The following ASIC2 variants were observed in gnomAD, a reference collection of about 807,000 sequenced individuals.
ASIC2 encodes acid sensing ion channel subunit 2.
Under a neutral mutation model 57.3 loss-of-function variants are expected in ASIC2, and 25 were observed. The observed-to-expected ratio is 0.44, with a 90% CI of 0.32 to 0.61. The LOEUF (loss-of-function observed/expected upper bound fraction) is 0.61. Among genes scored for constraint, ASIC2 ranks in the 20% least tolerant of loss-of-function variants. ASIC2 has a pLI of 0.06. For synonymous variants in ASIC2, 319 were observed against 307.5 expected, an observed-to-expected ratio of 1.04 and a Z score of -0.39; for missense variants, 641 against 738.1, an observed-to-expected ratio of 0.87 and a Z score of 1.52.
intron 1 of ASIC2, among the ~76,000 whole-genome samples, chr17:33,242,167 A>G (rs992978290): frequency 6.6e-6 from 1 of 151,968 alleles, no homozygotes; most frequent in African/African-American, 2.4e-5. Flanking sequence ...AAATACAAAA[A>G]TTAGCCAGGC....
intron 1 of ASIC2, among the ~76,000 whole-genome samples, chr17:33,187,890 A>G (rs973213584): frequency 6.6e-6 from 1 of 151,394 alleles, no homozygotes; most frequent in Non-Finnish European, 1.5e-5. Flanking sequence ...CAGCCAATCA[A>G]AAATGGTCAG....
chr17:33,403,197 G>A (rs1193581213), intron 1 of ASIC2, among the ~76,000 whole-genome samples: 1 of 152,152 alleles, frequency 6.6e-6, no homozygotes, highest in African/African-American at 2.4e-5. Context: ...GCCTGTGAGA[G>A]CCTTTGGTTA....
intron 1 of ASIC2, among the ~76,000 whole-genome samples, chr17:33,588,978 ACCTGAGCCAAGTTTAT>A (rs1485748023): frequency 6.6e-6 from 1 of 152,204 alleles, no homozygotes; most frequent in African/African-American, 2.4e-5. Flanking sequence ...TTTAAGAAGA[ACCTGAGCCAAGTTTAT>A]CCAACCAATC....
intron 1 of ASIC2, among the ~76,000 whole-genome samples, chr17:33,634,067 A>G (rs889968041): frequency 1.3e-5 from 2 of 152,134 alleles, no homozygotes; most frequent in East Asian, 3.9e-4. Flanking sequence ...TGAACTCCCA[A>G]ACACCTGCAA....
At chr17:34,152,453 A>T (rs1904562429) in intron 1 of ASIC2, among the ~76,000 whole-genome samples, 1 of 152,090 alleles carries the variant, frequency 6.6e-6, no homozygotes, top group African/African-American at 2.4e-5. Context: ...ATTCTAAGAA[A>T]CCCCATCTCA....
intron 1 of ASIC2, among the ~76,000 whole-genome samples, chr17:33,788,166 C>T (rs1443285530): frequency 6.6e-6 from 1 of 151,640 alleles, no homozygotes; most frequent in African/African-American, 2.4e-5. Flanking sequence ...ACCCATCTGA[C>T]AAAGGTCTAA....
In ASIC2 at chr17:33,013,801, G is replaced by T. The variant is rs2091791126; in HGVS notation, c.*164C>A. On this transcript the variant is annotated 3_prime_UTR_variant, in exon 10 of 10. Coordinates refer to ENST00000225823, the MANE Select transcript of ASIC2 (RefSeq NM_183377.2). ...CGGGGCCCAAGGATGCGTCGTGTTG[G>T]ACGTGGCCGGAGCGAGGTCTAGGCA... The T allele has an allele frequency of 3.1e-6, 2 of 650,970 alleles. No individual in the cohort carries two copies. Among genetic ancestry groups the T allele is most frequent in the Non-Finnish European group, 2.8e-6 (1 of 362,986 alleles). 40.3% of individuals were successfully genotyped at this position (650,970 alleles called of 1,614,324 possible). A position where few individuals can be genotyped will look rare whatever the true frequency, so the allele number is the denominator to read the frequency against.
intron 1 of ASIC2, among the ~76,000 whole-genome samples, chr17:33,799,362 CTT>C (rs1302727787): frequency 7.9e-6 from 1 of 126,888 alleles, no homozygotes; most frequent in Non-Finnish European, 1.7e-5. Context: ...CTCTTTCTTT[CTT>C]TCTTTCTTTC....
rs571943677 is a variant in ASIC2, at chr17:33,560,427, T to C, written c.556-448360A>G. ...CCAAAGGACTTATGAGTTGATTAAATAAATCTGACAGGAAATTTTAGATAA... is the reference window on the plus strand; with the variant it reads ...CCAAAGGACTTATGAGTTGATTAAACAAATCTGACAGGAAATTTTAGATAA... On this transcript the variant is annotated intron_variant, in intron 1 of 9. Coordinates refer to the ASIC2 transcript ENST00000359872. Among the ~76,000 whole-genome samples, 9 of 152,336 alleles carry C rather than the reference T, an allele frequency of 5.9e-5. No homozygotes were observed. The South Asian group carries it at 1.9e-3, about 32-fold the overall frequency.
intron 1 of ASIC2, among the ~76,000 whole-genome samples, chr17:33,551,891 C>T (rs1915763383): frequency 6.6e-6 from 1 of 152,160 alleles, no homozygotes; most frequent in Non-Finnish European, 1.5e-5. Flanking sequence ...CCAGCTGCCA[C>T]CAAGCTGTGA....
intron 3 of ASIC2, among the ~76,000 whole-genome samples, chr17:33,045,184 T>C (rs1310188715): frequency 6.6e-6 from 1 of 152,098 alleles, no homozygotes. Flanking sequence ...CTAGTAGGTA[T>C]CACCCTTGTT....
chr17:33,855,232 G>A (rs906354238), intron 1 of ASIC2, among the ~76,000 whole-genome samples: 3 of 152,182 alleles, frequency 2.0e-5, no homozygotes, highest in Non-Finnish European at 4.4e-5. Context: ...GGAAAGAGCT[G>A]GAACTAGCCA....
chr17:33,712,986 CCTT>C (rs1361087869), intron 1 of ASIC2, among the ~76,000 whole-genome samples: 1 of 152,180 alleles, frequency 6.6e-6, no homozygotes, highest in African/African-American at 2.4e-5. Context: ...TGTCTGAAGA[CCTT>C]CTTCAGTTCC....
chr17:33,375,192 C>G (rs1173656140), intron 1 of ASIC2, among the ~76,000 whole-genome samples: 1 of 151,980 alleles, frequency 6.6e-6, no homozygotes, highest in African/African-American at 2.4e-5. Flanking sequence ...GGTGTTTGCT[C>G]TCTTATCAAG....
intron 1 of ASIC2, chr17:34,147,195 G>A (rs1277909895): frequency 6.6e-6 from 1 of 152,142 alleles, no homozygotes; most frequent in Non-Finnish European, 1.5e-5. Flanking sequence ...GGTACAGGTT[G>A]GCAAGTCCTT....
At chr17:33,946,409 T>C (rs1238471060) in intron 1 of ASIC2, among the ~76,000 whole-genome samples, 1 of 152,194 alleles carries the variant, frequency 6.6e-6, no homozygotes, top group East Asian at 1.9e-4. Flanking sequence ...AGGTGGAAAC[T>C]GTTTAGCCTG....
At chr17:34,034,335 T>C (rs539502616) in intron 1 of ASIC2, among the ~76,000 whole-genome samples, 1 of 152,266 alleles carries the variant, frequency 6.6e-6, no homozygotes, top group East Asian at 1.9e-4. Context: ...AAACTCTCAA[T>C]AAATTAGGTA....
chr17:33,251,881 G>C (rs145834609), intron 1 of ASIC2, among the ~76,000 whole-genome samples: 1 of 152,308 alleles, frequency 6.6e-6, no homozygotes, highest in Non-Finnish European at 1.5e-5. Flanking sequence ...GACAGTCCTT[G>C]AATTGTACTA....
intron 1 of ASIC2, among the ~76,000 whole-genome samples, chr17:33,168,433 C>T (rs1482666252): frequency 6.6e-6 from 1 of 152,098 alleles, no homozygotes; most frequent in African/African-American, 2.4e-5. Context: ...AAGAGAGGAG[C>T]TGTAGGGAAA....
Sources: gnomAD v4.1 joint callset for allele counts (sites outside exome capture counted in the v4.1 genomes callset) on GRCh38, gnomAD v4.1.1 for gene constraint, MANE v1.5 for transcripts, NCBI Gene and HGNC (gene_info 2026-07-23, HGNC 2026-07-21) for gene names.